The following WDR25 variants were observed in gnomAD, a reference collection of about 807,000 sequenced individuals.
WDR25 encodes the protein WD repeat domain 25.
WDR25 carries 35 observed loss-of-function variants against 47.7 expected under a neutral mutation model. The ratio of observed to expected loss-of-function variants is 0.73; its 90% confidence interval spans 0.56 to 0.97. The LOEUF is 0.97. WDR25 is among the 50% of genes least tolerant of loss of function. The probability of loss-of-function intolerance (pLI) is 0.00; values close to 1 mark genes in which losing one functional copy is unlikely to be tolerated. For missense variants in WDR25, 634 were observed against 704.7 expected (o/e 0.90, Z 1.14); for synonymous variants, 248 against 278.9 (o/e 0.89, Z 1.10).
intron 2 of WDR25, among the ~76,000 whole-genome samples, chr14:100,413,978 T>A (rs918058556): frequency 9.9e-5 from 15 of 151,160 alleles, no homozygotes; most frequent in Non-Finnish European, 1.9e-4. Flanking sequence ...TTGTTTCTAG[T>A]GAGCCGTTAG....
intron 4 of WDR25, among the ~76,000 whole-genome samples, chr14:100,487,222 A>G (rs1320994032): frequency 4.6e-5 from 7 of 152,212 alleles, no homozygotes; most frequent in Non-Finnish European, 1.0e-4. Context: ...GTAAGTATCT[A>G]TGGATCAAAT....
At chr14:100,527,155 CCCA>C (rs1374666575) in intron 5 of WDR25, among the ~76,000 whole-genome samples, 2 of 151,514 alleles carry the variant, frequency 1.3e-5, no homozygotes, top group African/African-American at 4.9e-5. Flanking sequence ...TCAGTACCAC[CCCA>C]CCATCAGCAC....
At position 100,518,004 on chromosome 14, in the gene WDR25, G is replaced by A. The variant is rs528476724; in HGVS notation, c.1102-7866G>A. Among the ~76,000 whole-genome samples the A allele has an allele frequency of 1.4e-3, 220 of 152,214 alleles. 1 individual carries two copies. The highest frequency in any genetic ancestry group is 5.0e-3 in the African/African-American group (207 of 41,524). On this transcript the variant is annotated intron_variant, in intron 4 of 6. Transcript: ENST00000402312. ...TATATATTTTTTTCAAGAGTCATAC[G>A]TATTTCATATAACTTAAGTGAAAAA...
chr14:100,427,263 C>G (rs943267776), intron 2 of WDR25, among the ~76,000 whole-genome samples: 2 of 152,122 alleles, frequency 1.3e-5, no homozygotes, highest in Admixed American at 1.3e-4. Flanking sequence ...CCTTTTCCCA[C>G]GAAGCCCTCC....
chr14:100,517,022 C>CT (rs1901521024), intron 4 of WDR25, among the ~76,000 whole-genome samples: 1 of 145,548 alleles, frequency 6.9e-6, no homozygotes, highest in Admixed American at 7.0e-5. Context: ...CCTTGACCTT[C>CT]TGGGCTCAAG....
At chr14:100,447,373 G>GTT (rs904844702) in intron 2 of WDR25, among the ~76,000 whole-genome samples, 1 of 152,238 alleles carries the variant, frequency 6.6e-6, no homozygotes, top group African/African-American at 2.4e-5. Flanking sequence ...CTTCCCACGA[G>GTT]TTAGCAGCAG....
Position 100,499,612 on chromosome 14 carries a change from A to G in WDR25, c.1101+15488A>G, listed in dbSNP as rs944435710. Reference sequence around the variant, plus strand: ...GCATCCTGGAGGAAGGCACTGGTGCAGAGAGATGGGCTGGAGGTGGGGTGG... The same window carrying G: ...GCATCCTGGAGGAAGGCACTGGTGCGGAGAGATGGGCTGGAGGTGGGGTGG... On this transcript the variant is annotated intron_variant, in intron 4 of 6. Transcript: ENST00000402312. This position sits in a 1 kb window ranked among gnomAD's most constrained non-coding sequence, Gnocchi z 4.4. Among the ~76,000 whole-genome samples, 1 of 152,156 alleles carries G rather than the reference A, an allele frequency of 6.6e-6. No individual in the cohort carries two copies. The highest frequency in any genetic ancestry group is 1.5e-5 in the Non-Finnish European group (1 of 68,028).
At chr14:100,434,162 C>T (rs868793132) in intron 2 of WDR25, among the ~76,000 whole-genome samples, 11 of 152,340 alleles carry the variant, frequency 7.2e-5, no homozygotes, top group Middle Eastern at 3.4e-3. Flanking sequence ...GGGGTCACTG[C>T]TTCTCAGAAG....
rs1185386489 is a variant in WDR25 at position 100,468,129 on chromosome 14, G to A, written c.931G>A (p.Gly311Ser). 1 of 1,613,616 alleles carries A rather than the reference G, an allele frequency of 6.2e-7. No homozygotes were observed. The highest frequency in any genetic ancestry group is 8.5e-7 in the Non-Finnish European group (1 of 1,180,022). Residue 311 changes from glycine to serine, a missense_variant, in exon 3 of 7, where the codon GGC becomes AGC. Gly to Ser is a moderately conservative substitution (Grantham distance 56, BLOSUM62 0). Transcript: ENST00000402312. This position sits in a 1 kb window ranked among gnomAD's most constrained non-coding sequence, Gnocchi z 4.5. ...APCGRRILSG[G>S]FDFALHLTDL... ...CTGTGGCCGGCGCATCCTCAGTGGT[G>A]GCTTTGACTTCGCGCTGCACCTAAC... is the stretch of plus-strand genomic sequence containing the variant.
chr14:100,483,776 G>T (rs1382730654), intron 3 of WDR25, among the ~76,000 whole-genome samples: 1 of 152,192 alleles, frequency 6.6e-6, no homozygotes, highest in African/African-American at 2.4e-5. Context: ...GGGAGGGGAT[G>T]TTCAGCTAGT....
At position 100,404,527 on chromosome 14, in the gene WDR25, C is replaced by T. The variant is rs905113292; in HGVS notation, c.822+22781C>T. Among the ~76,000 whole-genome samples, 2 of 152,204 alleles carry T rather than the reference C, an allele frequency of 1.3e-5. No homozygotes were observed. The highest frequency in any genetic ancestry group is 4.8e-5 in the African/African-American group (2 of 41,460). ...GGTGTTCCTGGCTGGGAAACAGGGG[C>T]CCCTACCTGTGGGCTGCGTGGGCCA... On this transcript the variant is annotated intron_variant, in intron 2 of 6. Transcript: ENST00000402312. This position sits in a 1 kb window ranked among gnomAD's most constrained non-coding sequence, Gnocchi z 4.6.
intron 4 of WDR25, among the ~76,000 whole-genome samples, chr14:100,507,151 T>C (rs1901138653): frequency 6.6e-6 from 1 of 152,244 alleles, no homozygotes; most frequent in South Asian, 2.1e-4. Flanking sequence ...GCACCATTTA[T>C]TGCAAAGGGA....
rs573725892 is a variant in WDR25 at position 100,503,261 on chromosome 14, C to T, written c.1101+19137C>T. On this transcript the variant is annotated intron_variant, in intron 4 of 6. Transcript: ENST00000402312. Reference sequence around the variant, plus strand: ...CATGCTGTCACCATTGCCTTTAAAGCGTGTCCCCTGGGAGCCTGAGCCAGC... The same window carrying T: ...CATGCTGTCACCATTGCCTTTAAAGTGTGTCCCCTGGGAGCCTGAGCCAGC... Among the ~76,000 whole-genome samples, 5 of 152,194 alleles carry T rather than the reference C, an allele frequency of 3.3e-5. No homozygotes were observed. In the East Asian group the frequency reaches 5.8e-4, roughly 18 times the overall value.
intron 4 of WDR25, among the ~76,000 whole-genome samples, chr14:100,517,758 C>T (rs1464528317): frequency 2.6e-5 from 4 of 152,178 alleles, no homozygotes; most frequent in African/African-American, 9.7e-5. Flanking sequence ...GCAGGAGAAT[C>T]ACTTGGACCC....
intron 2 of WDR25, chr14:100,382,091 G>T (rs1896916196): frequency 1.4e-6 from 1 of 702,924 alleles, no homozygotes; most frequent in African/African-American, 1.7e-5. Flanking sequence ...ACCCTGTGGA[G>T]CATTGAGCCA....
At chr14:100,479,190 C>G (rs1047526056) in intron 3 of WDR25, among the ~76,000 whole-genome samples, 1 of 152,052 alleles carries the variant, frequency 6.6e-6, no homozygotes, top group African/African-American at 2.4e-5. Flanking sequence ...AAGCGAGTGT[C>G]CTGGGGCCTC....
intron 2 of WDR25, among the ~76,000 whole-genome samples, chr14:100,451,080 G>C (rs1899014155): frequency 6.6e-6 from 1 of 152,092 alleles, no homozygotes; most frequent in East Asian, 1.9e-4. Context: ...AGTGAAAAAA[G>C]GTAGTTTTGG....
rs545450016 is a variant in WDR25 at position 100,468,776 on chromosome 14, C to T, written c.970+608C>T. On this transcript the variant is annotated intron_variant, in intron 3 of 6. Coordinates refer to ENST00000402312, the MANE Select transcript of WDR25 (RefSeq NM_001161476.3). The surrounding 1 kb of genome is among the most constrained non-coding windows in gnomAD (Gnocchi z 4.5). The stretch of plus-strand genomic sequence containing the variant: ...CAATACCCACCGCAGCCACAGCCCC[C>T]AGGTGGGCTCTCTCCGGGGTTTACA... 5.3e-5 allele frequency among the ~76,000 whole-genome samples: 8 copies of T among 152,212 alleles called. 1 individual carries two copies. In the East Asian group the frequency reaches 1.5e-3, roughly 29 times the overall value.
At chr14:100,469,741 A>G (rs548934654) in intron 3 of WDR25, among the ~76,000 whole-genome samples, 32 of 152,170 alleles carry the variant, frequency 2.1e-4, no homozygotes, top group Non-Finnish European at 4.1e-4. Context: ...CACAGCCTCT[A>G]TACAGCATCT....
Sources: gnomAD v4.1 joint callset for allele counts (sites outside exome capture counted in the v4.1 genomes callset) on GRCh38, gnomAD v4.1.1 for gene constraint, Gnocchi (gnomAD v3.1) non-coding constraint, MANE v1.5 for transcripts, NCBI Gene and HGNC (gene_info 2026-07-23, HGNC 2026-07-21) for gene names.